Variants in HTT observed in about 807,000 individuals in gnomAD.
The protein encoded by HTT is huntington disease protein.
A neutral mutation model predicts 362.3 loss-of-function variants in HTT; 104 were observed. The ratio of observed to expected loss-of-function variants is 0.29; its 90% CI spans 0.24 to 0.34. The LOEUF is 0.34. HTT is among the 10% of genes least tolerant of loss of function. HTT has a pLI of 1.00. For synonymous variants in HTT, 1,577 were observed against 1,548.7 expected (o/e 1.02, Z -0.43); for missense variants, 3,301 against 3,928.6 (o/e 0.84, Z 4.27).
chr4:3,210,493 A>G (rs1331441442), intron 47 of HTT, among the ~76,000 whole-genome samples: 1 of 152,136 alleles, frequency 6.6e-6, no homozygotes, highest in Admixed American at 6.5e-5. Context: ...TGTTAGATGT[A>G]GTGAGGTTCT....
intron 2 of HTT, among the ~76,000 whole-genome samples, chr4:3,093,173 G>A (rs772337607): frequency 6.6e-6 from 1 of 152,168 alleles, no homozygotes; most frequent in Non-Finnish European, 1.5e-5. Flanking sequence ...ATGACCCAGG[G>A]CTGGAGGTAG....
intron 53 of HTT, among the ~76,000 whole-genome samples, chr4:3,221,731 C>T (rs1038246900): frequency 3.3e-5 from 5 of 152,166 alleles, no homozygotes; most frequent in Non-Finnish European, 5.9e-5. Context: ...AACAACTGTT[C>T]GTTAGATACA....
chr4:3,190,003 A>T (rs1054166125), intron 40 of HTT, among the ~76,000 whole-genome samples: 1 of 151,732 alleles, frequency 6.6e-6, no homozygotes, highest in East Asian at 1.9e-4. Flanking sequence ...GCTATAGAGT[A>T]AGACCCTGCC....
At chr4:3,232,529 G>T (rs1408435360) in intron 60 of HTT, among the ~76,000 whole-genome samples, 3 of 152,200 alleles carry the variant, frequency 2.0e-5, no homozygotes, top group African/African-American at 7.2e-5. Flanking sequence ...TGAAATTGAG[G>T]CCATTTTGGT....
intron 47 of HTT, 51 bp downstream of exon 47, chr4:3,210,000 C>G: frequency 2.5e-6 from 4 of 1,599,650 alleles, no homozygotes; most frequent in Non-Finnish European, 3.4e-6. Context: ...CTTGTGACTT[C>G]CAAGTGGGAT....
intron 34 of HTT, 31 bp downstream of exon 34, chr4:3,177,418 T>C: frequency 6.9e-7 from 1 of 1,443,376 alleles, no homozygotes; most frequent in Non-Finnish European, 9.5e-7. Context: ...TAGATTTTTT[T>C]CTTCTTCTTG....
chr4:3,080,867 A>G (rs1410300971), intron 1 of HTT, among the ~76,000 whole-genome samples: 1 of 152,220 alleles, frequency 6.6e-6, no homozygotes, highest in African/African-American at 2.4e-5. Flanking sequence ...CCATGGAATT[A>G]TCTTAGTACC....
At chr4:3,091,758 AT>A (rs1427166934) in intron 2 of HTT, among the ~76,000 whole-genome samples, 1 of 152,264 alleles carries the variant, frequency 6.6e-6, no homozygotes, top group African/African-American at 2.4e-5. Flanking sequence ...TGAAACAAAA[AT>A]AAGAACCTTT....
At chr4:3,190,319 A>G (rs1372596001) in intron 40 of HTT, among the ~76,000 whole-genome samples, 2 of 151,508 alleles carry the variant, frequency 1.3e-5, no homozygotes, top group East Asian at 1.9e-4. Context: ...AGCCTGGGCT[A>G]CAGAATGATA....
intron 21 of HTT, among the ~76,000 whole-genome samples, chr4:3,138,050 C>T (rs1365219198): frequency 6.6e-6 from 1 of 151,580 alleles, no homozygotes; most frequent in African/African-American, 2.4e-5. Flanking sequence ...AACTGCTCTT[C>T]AAAAACATAC....
intron 52 of HTT, among the ~76,000 whole-genome samples, chr4:3,219,242 C>T (rs926239513): frequency 2.0e-5 from 3 of 152,164 alleles, no homozygotes; most frequent in Non-Finnish European, 4.4e-5. Flanking sequence ...GGTTCATTAG[C>T]ATCTGGTTAT....
At chr4:3,227,937 G>A (rs1720997260) in intron 57 of HTT, among the ~76,000 whole-genome samples, 1 of 152,216 alleles carries the variant, frequency 6.6e-6, no homozygotes, top group Non-Finnish European at 1.5e-5. Flanking sequence ...GAGTGCAGGG[G>A]CTCCTCCTTG....
At chr4:3,155,413 G>T (rs140956963) in intron 27 of HTT, among the ~76,000 whole-genome samples, 5,300 of 150,804 alleles carry the variant, frequency 0.035, 284 homozygotes, top group African/African-American at 0.12. Flanking sequence ...TATTAGTGGA[G>T]ACGGGGTTTC....
chr4:3,099,254 TCTC>T lies in HTT; in HGVS notation c.348-19_348-17del, dbSNP rs1560546437. 6.3e-7 allele frequency: 1 copy of T among 1,588,054 alleles called. No individual in the cohort carries two copies. Among genetic ancestry groups the T allele is most frequent in the East Asian group, 2.2e-5 (1 of 44,776 alleles). On this transcript the variant is annotated splice_polypyrimidine_tract_variant and intron_variant, in intron 2 of 66. Transcript: ENST00000355072. ...TCACCTTAGGCTCCTCTTGACAGTT[TCTC>T]TTCTTTTTTTGCTTAGAAATTCTCC...
At chr4:3,195,594 G>T (rs1719212623) in intron 40 of HTT, among the ~76,000 whole-genome samples, 1 of 152,144 alleles carries the variant, frequency 6.6e-6, no homozygotes, top group African/African-American at 2.4e-5. Flanking sequence ...CCACCGAGAA[G>T]CATCTTCTCA....
rs1180767981 is a variant in HTT, at chr4:3,132,597, G to A, written c.2272G>A (p.Asp758Asn). 9.3e-6 allele frequency: 15 copies of A among 1,613,822 alleles called. No homozygotes were observed. Among genetic ancestry groups the A allele is most frequent in the South Asian group, 2.2e-5 (2 of 91,064 alleles). ...TGTCTCAGACATCTTGAACTACATC[G>A]ATCATGGAGACCCACAGGTTCGAGG... ...QYVSDILNYI[D>N]HGDPQVRGAT... The change falls in exon 17 of 67, where the codon GAT becomes AAT. Residue 758 changes from aspartate to asparagine, a missense_variant. Asp to Asn is a conservative substitution (Grantham distance 23). Transcript: ENST00000355072.
At chr4:3,108,406 G>A (rs1714549359) in intron 6 of HTT, among the ~76,000 whole-genome samples, 1 of 151,270 alleles carries the variant, frequency 6.6e-6, no homozygotes, top group South Asian at 2.1e-4. Context: ...TCAGTAAATG[G>A]TAGTTTCTGC....
At chr4:3,229,749 A>T in intron 59 of HTT, 138 bp from the exon 60 acceptor site, 1 of 913,630 alleles carries the variant, frequency 1.1e-6, no homozygotes, top group Non-Finnish European at 1.7e-6. Context: ...CACCACACAC[A>T]CACGCACACA....
At chr4:3,169,579 T>A (rs992132370) in intron 29 of HTT, among the ~76,000 whole-genome samples, 1 of 152,138 alleles carries the variant, frequency 6.6e-6, no homozygotes, top group Admixed American at 6.5e-5. Context: ...CCAGCGTATT[T>A]TTTTTTTTGT....
Sources: allele counts gnomAD v4.1 joint callset (sites outside exome capture counted in the v4.1 genomes callset), GRCh38; gene constraint gnomAD v4.1.1; transcripts MANE v1.5; gene names NCBI Gene and HGNC (gene_info 2026-07-23, HGNC 2026-07-21).